Variants in PDZD8 observed in about 807,000 individuals in gnomAD.
The protein encoded by PDZD8 is PDZ domain containing 8.
In PDZD8, 14 loss-of-function variants were observed where a neutral mutation model predicts 85.8. The observed-to-expected ratio is 0.16, with a 90% CI of 0.11 to 0.26. The LOEUF (loss-of-function observed/expected upper bound fraction) is 0.26, where lower values mean the gene tolerates loss of function less well. PDZD8 is among the 10% of genes least tolerant of loss of function. The pLI, the probability that PDZD8 is intolerant of heterozygous loss-of-function variation, is 1.00. For missense variants in PDZD8, 1,197 were observed against 1,424.3 expected (o/e 0.84, Z 2.57); for synonymous variants, 592 against 568.6 (o/e 1.04, Z -0.59).
chr10:117,294,957 T>C (rs1235095688), intron 3 of PDZD8, among the ~76,000 whole-genome samples: 1 of 152,180 alleles, frequency 6.6e-6, no homozygotes, highest in Non-Finnish European at 1.5e-5. Flanking sequence ...CTATAGTTAA[T>C]AATGTATTGT....
chr10:117,342,386 A>AG (rs1844628895), intron 1 of PDZD8, among the ~76,000 whole-genome samples: 2 of 117,696 alleles, frequency 1.7e-5, no homozygotes, highest in Admixed American at 1.0e-4. Context: ...CTGACCACAC[A>AG]AACAGATACA....
intron 4 of PDZD8, among the ~76,000 whole-genome samples, chr10:117,289,590 T>C (rs2803806): frequency 0.99 from 151,143 of 152,312 alleles, 75,003 homozygotes; most frequent in Middle Eastern, 1. Context: ...GAGTTTTTAC[T>C]GTTAACAATC....
intron 4 of PDZD8, among the ~76,000 whole-genome samples, chr10:117,287,302 C>G (rs1844681403): frequency 6.6e-6 from 1 of 152,158 alleles, no homozygotes; most frequent in Non-Finnish European, 1.5e-5. Context: ...CCTATACCAC[C>G]TGCACCTTAT....
At chr10:117,315,024 G>A (rs1348803662) in intron 3 of PDZD8, among the ~76,000 whole-genome samples, 1 of 152,148 alleles carries the variant, frequency 6.6e-6, no homozygotes. Flanking sequence ...CAGAATGAAA[G>A]AATAGGTGGG....
chr10:117,344,553 A>AT (rs1844671425), intron 1 of PDZD8, among the ~76,000 whole-genome samples: 2 of 151,882 alleles, frequency 1.3e-5, no homozygotes, highest in South Asian at 2.1e-4. Flanking sequence ...ACACCCGGCT[A>AT]TTTTTTTGTA....
Position 117,375,194 on chromosome 10 carries a change from C to T in PDZD8, c.34G>A (p.Val12Met), listed in dbSNP as rs901291283. The change falls in exon 1 of 5, where the codon GTG (valine) becomes ATG (methionine). Residue 12 changes from valine (V) to methionine (M), a missense_variant. This residue lies in a region of PDZD8 where 172 missense variants were observed against 137.8 expected (regional missense o/e 1.25). Transcript: ENST00000334464. ...AGGAGCGTGAGGAAGGAACCCAGCA[C>T]GGCCGACGCCAGGATCATGAGCAGC... ...GLLLMILASA[V>M]LGSFLTLLAQ... The T allele has an allele frequency of 1.9e-6, 3 of 1,559,954 alleles. No individual in the cohort carries two copies. Among genetic ancestry groups the T allele is most frequent in the South Asian group, 1.1e-5 (1 of 87,034 alleles).
chr10:117,285,082 G>T lies in PDZD8; in HGVS notation c.1651C>A (p.Pro551Thr). The T allele has an allele frequency of 6.2e-7, 1 of 1,613,920 alleles. No individual in the cohort carries two copies. Among genetic ancestry groups the T allele is most frequent in the Admixed American group, 1.7e-5 (1 of 60,000 alleles). ...LNRKLAVGSH[P>T]LPPKIQSKDG... is the part of the protein sequence containing the mutation. ...TTGGACTGAATTTTCGGTGGTAGTG[G>T]GTGACTTCCTACAGCTAATTTACGG... Residue 551 changes from proline to threonine, a missense_variant, in exon 5 of 5, where the codon CCA becomes ACA. Pro to Thr is a conservative substitution (Grantham distance 38, BLOSUM62 -1). Transcript: ENST00000334464.
chr10:117,369,144 T>TTTTA (rs201074131), intron 1 of PDZD8, among the ~76,000 whole-genome samples: 4,980 of 151,356 alleles, frequency 0.033, 89 homozygotes, highest in South Asian at 0.039. Context: ...TGACAATGTC[T>TTTTA]TTTATTTATT....
chr10:117,323,133 CAGA>C (rs544124140), intron 2 of PDZD8, among the ~76,000 whole-genome samples: 35 of 152,106 alleles, frequency 2.3e-4, no homozygotes, highest in Non-Finnish European at 4.4e-4. Flanking sequence ...AAGACCGTTC[CAGA>C]AGAACAAGAT....
At chr10:117,341,788 T>C (rs1226257853) in intron 1 of PDZD8, among the ~76,000 whole-genome samples, 1 of 152,242 alleles carries the variant, frequency 6.6e-6, no homozygotes, top group Admixed American at 6.5e-5. Context: ...AACCCATGGA[T>C]GTGGAGCCCA....
intron 1 of PDZD8, among the ~76,000 whole-genome samples, chr10:117,352,462 G>A (rs1449703960): frequency 6.6e-6 from 1 of 151,992 alleles, no homozygotes; most frequent in African/African-American, 2.4e-5. Context: ...ATTTGTCAAG[G>A]AGACAAAAAA....
intron 2 of PDZD8, among the ~76,000 whole-genome samples, chr10:117,320,211 C>CT (rs910814998): frequency 1.3e-5 from 2 of 152,048 alleles, no homozygotes; most frequent in Non-Finnish European, 2.9e-5. Flanking sequence ...ACATAAAACA[C>CT]TAAGTTTAGG....
rs146585650 is a variant in PDZD8 at position 117,364,123 on chromosome 10, G to C, written c.872+10233C>G. Among the ~76,000 whole-genome samples, 43 of 152,080 alleles carry C rather than the reference G, an allele frequency of 2.8e-4. No individual in the cohort carries two copies. In the East Asian group the frequency reaches 6.6e-3, roughly 23 times the overall value. On this transcript the variant is annotated intron_variant, in intron 1 of 4. Coordinates refer to ENST00000334464, the MANE Select transcript of PDZD8 (RefSeq NM_173791.5). The stretch of plus-strand genomic sequence containing the variant: ...GGATACTGTGCCAGTATGGTGCCTG[G>C]ACAGACCTTGAATTCAACATGGTTA...
intron 3 of PDZD8, among the ~76,000 whole-genome samples, chr10:117,312,228 G>T (rs1321301083): frequency 6.6e-6 from 1 of 152,074 alleles, no homozygotes; most frequent in East Asian, 1.9e-4. Flanking sequence ...ATGTACCATG[G>T]CTGTGTAGAG....
chr10:117,345,314 A>T (rs1844685971), intron 1 of PDZD8, among the ~76,000 whole-genome samples: 1 of 152,210 alleles, frequency 6.6e-6, no homozygotes, highest in Admixed American at 6.5e-5. Context: ...CCCCTAGTAG[A>T]GAAACAGGAA....
In PDZD8 at chr10:117,374,890, G is replaced by T; in HGVS notation, c.338C>A (p.Ala113Glu). 1 of 1,613,462 alleles carries T rather than the reference G, an allele frequency of 6.2e-7. No individual in the cohort carries two copies. The highest frequency in any genetic ancestry group is 8.5e-7 in the Non-Finnish European group (1 of 1,179,876). The change falls in exon 1 of 5, where the codon GCG becomes GAG. Residue 113 changes from alanine (A) to glutamate (E), a missense_variant. Ala to Glu is a moderately radical substitution (Grantham distance 107). Coordinates refer to ENST00000334464, the MANE Select transcript of PDZD8 (RefSeq NM_173791.5). The surrounding 1 kb of genome is among the most constrained non-coding windows in gnomAD (Gnocchi z 7.8). ...LFLFRELRDT[A>E]LTRRWVTKKI... Reference sequence around the variant, plus strand: ...CTTGGTGACCCAGCGGCGGGTCAGCGCGGTGTCCCGCAACTCCCGGAACAG... The same window carrying T: ...CTTGGTGACCCAGCGGCGGGTCAGCTCGGTGTCCCGCAACTCCCGGAACAG...
At chr10:117,366,817 A>C (rs1021391030) in intron 1 of PDZD8, among the ~76,000 whole-genome samples, 10 of 152,138 alleles carry the variant, frequency 6.6e-5, no homozygotes, top group African/African-American at 2.4e-4. Context: ...CGTAAATCGC[A>C]TATTTCCACA....
chr10:117,315,938 G>A (rs1325664927), intron 3 of PDZD8, among the ~76,000 whole-genome samples: 1 of 152,078 alleles, frequency 6.6e-6, no homozygotes, highest in Non-Finnish European at 1.5e-5. Flanking sequence ...CTTTCTTGGT[G>A]AAAGTTAAGC....
intron 2 of PDZD8, among the ~76,000 whole-genome samples, chr10:117,322,300 C>A (rs1467280043): frequency 6.6e-6 from 1 of 152,162 alleles, no homozygotes; most frequent in Non-Finnish European, 1.5e-5. Flanking sequence ...GACCCAGAGA[C>A]CTCGAGGAAC....
Sources: allele counts gnomAD v4.1 joint callset (sites outside exome capture counted in the v4.1 genomes callset), GRCh38; gene constraint gnomAD v4.1.1; regional missense constraint gnomAD v4.1.1; non-coding constraint Gnocchi (gnomAD v3.1); transcripts MANE v1.5; gene names NCBI Gene and HGNC (gene_info 2026-07-23, HGNC 2026-07-21).